The following MRPS6 variants were observed in gnomAD, a reference collection of about 807,000 sequenced individuals.
MRPS6 encodes the protein mitochondrial ribosomal protein S6.
Under a neutral mutation model 13.1 loss-of-function variants are expected in MRPS6, and 6 were observed. That is an observed-to-expected ratio of 0.46 (90% CI 0.25 to 0.91). The LOEUF is 0.91. MRPS6 is among the 40% of genes least tolerant of loss of function. MRPS6 has a pLI of 0.18. For missense variants in MRPS6, 164 were observed against 155.6 expected, an observed-to-expected ratio of 1.05 and a Z score of -0.29; for synonymous variants, 61 against 56.5, an observed-to-expected ratio of 1.08 and a Z score of -0.36.
intron 1 of MRPS6, chr21:34,124,487 ATTG>A (rs1354087161): frequency 1.4e-5 from 2 of 147,164 alleles, no homozygotes; most frequent in African/African-American, 5.0e-5. Flanking sequence ...GGGATTCTAT[ATTG>A]TTCAAGCTTT....
At chr21:34,102,511 A>G (rs1979289956) in intron 1 of MRPS6, 1 of 1,000,010 alleles carries the variant, frequency 1.0e-6, no homozygotes, top group Admixed American at 6.2e-5. Flanking sequence ...AAATAAACAA[A>G]AACTGTTTGG....
chr21:34,098,792 T>C (rs1979094136), intron 1 of MRPS6: 2 of 1,000,072 alleles, frequency 2.0e-6, no homozygotes, highest in African/African-American at 1.7e-5. Context: ...AGAAAAGCTC[T>C]ACAGATTACG....
At position 34,142,472 on chromosome 21, in the gene MRPS6, C is replaced by T. The variant is rs142076248; in HGVS notation, c.250C>T (p.Arg84Ter). 8.7e-6 allele frequency: 14 copies of T among 1,607,942 alleles called. No homozygotes were observed. Among genetic ancestry groups the T allele is most frequent in the East Asian group, 2.2e-5 (1 of 44,594 alleles). The change falls in exon 3 of 3, where the codon CGA becomes TGA. Residue 84 changes from arginine to a stop codon, truncating the protein, a stop_gained. Coordinates refer to ENST00000399312, the MANE Select transcript of MRPS6 (RefSeq NM_032476.4). LOFTEE classifies it high-confidence loss of function. Reference sequence around the variant, plus strand: ...TGAAAGCATGGTGGAGCACTTGTCTCGAGATATAGATGTGATTAGAGGGAA... The same window carrying T: ...TGAAAGCATGGTGGAGCACTTGTCTTGAGATATAGATGTGATTAGAGGGAA... ...AVESMVEHLS[R>*]DIDVIRGNIV...
chr21:34,093,457 T>C (rs1344160195), intron 1 of MRPS6, among the ~76,000 whole-genome samples: 1 of 152,224 alleles, frequency 6.6e-6, no homozygotes, highest in African/African-American at 2.4e-5. Flanking sequence ...CTAGGCATTA[T>C]GTTTAGCTCC....
At chr21:34,121,001 G>A (rs1367569853) in intron 1 of MRPS6, among the ~76,000 whole-genome samples, 3 of 151,130 alleles carry the variant, frequency 2.0e-5, no homozygotes, top group African/African-American at 7.4e-5. Flanking sequence ...GGTACAATTA[G>A]CACAGCTATT....
intron 1 of MRPS6, among the ~76,000 whole-genome samples, chr21:34,116,830 A>T (rs1979933968): frequency 6.6e-6 from 1 of 152,116 alleles, no homozygotes; most frequent in South Asian, 2.1e-4. Context: ...GGATGATCAA[A>T]GATCAGTTCC....
chr21:34,116,491 A>G (rs2834379), intron 1 of MRPS6, among the ~76,000 whole-genome samples: 11,932 of 152,040 alleles, frequency 0.078, 540 homozygotes, highest in Middle Eastern at 0.16. Flanking sequence ...ATTGGGCAAT[A>G]AGATTTCCAT....
rs138168218 is a variant in MRPS6 at position 34,097,523 on chromosome 21, A to T, written c.45+23778A>T. The T allele has an allele frequency of 1.1e-3, 1,513 of 1,388,360 alleles. 3 individuals are homozygous for T. Among genetic ancestry groups the T allele is most frequent in the South Asian group, 1.6e-3 (87 of 53,722 alleles). The allele number at this position is 1,388,360 out of a possible 1,614,324, so 86.0% of individuals were successfully genotyped here. ...CAAGACTTTATTTTCCCAGAGATGGATTAAAGTAAATCTTCAACTTAAGTG... is the reference window on the plus strand; with the variant it reads ...CAAGACTTTATTTTCCCAGAGATGGTTTAAAGTAAATCTTCAACTTAAGTG... On this transcript the variant is annotated intron_variant, in intron 1 of 2. Transcript: ENST00000399312.
chr21:34,082,853 T>A (rs1000204647), intron 1 of MRPS6, among the ~76,000 whole-genome samples: 6 of 152,346 alleles, frequency 3.9e-5, no homozygotes, highest in African/African-American at 1.4e-4. Flanking sequence ...CTTGTTTTGC[T>A]TCCCCTTGCA....
intron 1 of MRPS6, chr21:34,101,059 T>G: frequency 1.0e-6 from 1 of 1,000,146 alleles, no homozygotes; most frequent in Non-Finnish European, 1.2e-6. Flanking sequence ...GATAGAGAGA[T>G]GTATACAAGA....
intron 2 of MRPS6, among the ~76,000 whole-genome samples, chr21:34,138,954 T>G (rs1456545568): frequency 6.6e-6 from 1 of 151,636 alleles, no homozygotes; most frequent in Non-Finnish European, 1.5e-5. Flanking sequence ...CCAACAATGA[T>G]AGACTGGATT....
At chr21:34,138,039 G>T (rs1228373672) in intron 2 of MRPS6, among the ~76,000 whole-genome samples, 1 of 151,508 alleles carries the variant, frequency 6.6e-6, no homozygotes, top group Non-Finnish European at 1.5e-5. Flanking sequence ...GTATTCTTGA[G>T]GGACATTCAT....
chr21:34,116,072 G>A (rs1296654110), intron 1 of MRPS6, among the ~76,000 whole-genome samples: 1 of 151,996 alleles, frequency 6.6e-6, no homozygotes, highest in Non-Finnish European at 1.5e-5. Context: ...TGGTGCCACA[G>A]TCATGGCTCA....
rs547719805 is a variant in MRPS6 at position 34,133,230 on chromosome 21, G to A, written c.185+7750G>A. Among the ~76,000 whole-genome samples the A allele has an allele frequency of 2.2e-4, 34 of 152,276 alleles. 2 individuals are homozygous for A. The South Asian group carries it at 6.8e-3, about 31-fold the overall frequency. On this transcript the variant is annotated intron_variant, in intron 2 of 2. Transcript: ENST00000399312. ...GAAATATGAGGTTTCTGATATATCTGGCTTCCTGTTTCCATCCTTGGGTAT... is the reference window on the plus strand; with the variant it reads ...GAAATATGAGGTTTCTGATATATCTAGCTTCCTGTTTCCATCCTTGGGTAT...
chr21:34,078,626 A>G (rs1989388771), intron 1 of MRPS6, among the ~76,000 whole-genome samples: 1 of 152,224 alleles, frequency 6.6e-6, no homozygotes, highest in South Asian at 2.1e-4. Context: ...TTAAGAGTTC[A>G]AAAGCAATGA....
chr21:34,142,057 T>C (rs1357318886), intron 2 of MRPS6, among the ~76,000 whole-genome samples: 1 of 152,232 alleles, frequency 6.6e-6, no homozygotes, highest in Non-Finnish European at 1.5e-5. Flanking sequence ...ATGAATAGTT[T>C]GGAAAATTCA....
intron 1 of MRPS6, chr21:34,098,757 G>A: frequency 7.0e-6 from 7 of 1,000,168 alleles, no homozygotes; most frequent in Non-Finnish European, 8.4e-6. Flanking sequence ...TGCAGCTAGT[G>A]GGTACAGGGT....
intron 2 of MRPS6, among the ~76,000 whole-genome samples, chr21:34,132,885 C>T (rs1980552585): frequency 6.6e-6 from 1 of 152,166 alleles, no homozygotes; most frequent in Admixed American, 6.5e-5. Context: ...TGGCAGTGAC[C>T]ACTTCATAGC....
intron 1 of MRPS6, chr21:34,101,992 G>A (rs947811051): frequency 1.0e-6 from 1 of 1,000,090 alleles, no homozygotes; most frequent in Non-Finnish European, 1.2e-6. Context: ...GTAAAAATTT[G>A]GAATTAGTTG....
Sources: allele counts gnomAD v4.1 joint callset (sites outside exome capture counted in the v4.1 genomes callset), GRCh38; gene constraint gnomAD v4.1.1; transcripts MANE v1.5; gene names NCBI Gene and HGNC (gene_info 2026-07-23, HGNC 2026-07-21).